Variants in RPAP1 observed in about 807,000 individuals in gnomAD.
RPAP1 encodes the protein RNA polymerase II associated protein 1.
A neutral mutation model predicts 142.4 loss-of-function variants in RPAP1; 109 were observed. The ratio of observed to expected loss-of-function variants is 0.77; its 90% CI spans 0.66 to 0.90. RPAP1 has a LOEUF of 0.90. Ranked by LOEUF, RPAP1 falls within the 40% of genes least tolerant of loss-of-function variation. The probability of loss-of-function intolerance (pLI) is 0.00; values close to 1 mark genes in which losing one functional copy is unlikely to be tolerated. For missense variants in RPAP1, 1,546 were observed against 1,751.7 expected, an observed-to-expected ratio of 0.88 and a Z score of 2.10; for synonymous variants, 704 against 738.9, an observed-to-expected ratio of 0.95 and a Z score of 0.77.
chr15:41,528,486 A>G lies in RPAP1; in HGVS notation c.1159-150T>C, dbSNP rs555920093. On this transcript the variant is annotated intron_variant, in intron 9 of 24. Transcript: ENST00000304330. Reference sequence around the variant, plus strand: ...TCAAGCCGGTAAAGATAAGACTTGCATACAAGTAACCATGCCATGAGGCAG... The same window carrying G: ...TCAAGCCGGTAAAGATAAGACTTGCGTACAAGTAACCATGCCATGAGGCAG... 3 of 630,304 alleles carry G rather than the reference A, an allele frequency of 4.8e-6. No homozygotes were observed. In the South Asian group the frequency reaches 5.5e-5, roughly 12 times the overall value. 39.0% of individuals were successfully genotyped at this position (630,304 alleles called of 1,614,324 possible). A position where few individuals can be genotyped will look rare whatever the true frequency, so the allele number is the denominator to read the frequency against.
rs1371123983 is a variant in RPAP1 at position 41,527,972 on chromosome 15, A to G, written c.1316T>C (p.Leu439Ser). 6.2e-7 allele frequency: 1 copy of G among 1,613,996 alleles called. No individual in the cohort carries two copies. Among genetic ancestry groups the G allele is most frequent in the African/African-American group, 1.3e-5 (1 of 74,928 alleles). ...RLAGSVLSLL[L>S]DAGFLFLLRF... ...CAGTAGGAAGAGGAAACCAGCATCC[A>G]AAAGGAGGCTTAAGACACTGCCTGC... Residue 439 changes from leucine to serine, a missense_variant, in exon 11 of 25, where the codon TTG becomes TCG. Physicochemically the swap from Leu to Ser is moderately radical, Grantham distance 145. Transcript: ENST00000304330.
intron 1 of RPAP1, among the ~76,000 whole-genome samples, chr15:41,538,729 A>G (rs1041454388): frequency 2.0e-5 from 3 of 152,218 alleles, no homozygotes; most frequent in Admixed American, 6.5e-5. Flanking sequence ...AAAGGTTAAG[A>G]CTTTACGTAA....
chr15:41,522,746 T>C lies in RPAP1; in HGVS notation c.2742+19A>G. Reference sequence around the variant, plus strand: ...TCTTGGCCCCTTGCCTGGCCCCTAATCAGGCACCCCACACTTACCTGGCCA... The same window carrying C: ...TCTTGGCCCCTTGCCTGGCCCCTAACCAGGCACCCCACACTTACCTGGCCA... On this transcript the variant is annotated intron_variant, in intron 19 of 24. Transcript: ENST00000304330. The C allele has an allele frequency of 7.7e-7, 1 of 1,290,570 alleles. No individual in the cohort carries two copies. Among genetic ancestry groups the C allele is most frequent in the Non-Finnish European group, 1.0e-6 (1 of 997,362 alleles). The allele number at this position is 1,290,570 out of a possible 1,614,324, so 79.9% of individuals were successfully genotyped here.
chr15:41,542,066 A>T (rs1470810639), intron 1 of RPAP1, among the ~76,000 whole-genome samples: 1 of 152,204 alleles, frequency 6.6e-6, no homozygotes, highest in Non-Finnish European at 1.5e-5. Flanking sequence ...TGAGCGGTGT[A>T]CAAGGGGCTG....
At chr15:41,522,353 CAGA>C (rs763991571) in intron 19 of RPAP1, 103 bp from the exon 20 acceptor site, 399 of 1,130,058 alleles carry the variant, frequency 3.5e-4, no homozygotes, top group Non-Finnish European at 4.7e-4. Context: ...TGAGTGCCAG[CAGA>C]AGGCCTCCCT....
At chr15:41,518,853 A>G (rs752958424) in intron 22 of RPAP1, among the ~76,000 whole-genome samples, 3 of 152,120 alleles carry the variant, frequency 2.0e-5, no homozygotes, top group African/African-American at 2.4e-5. Flanking sequence ...CTCAAAAACA[A>G]AAACAAAAAC....
At chr15:41,520,311 C>T (rs1404392886) in intron 22 of RPAP1, 80 bp downstream of exon 22, 20 of 1,513,198 alleles carry the variant, frequency 1.3e-5, no homozygotes, top group South Asian at 1.3e-4. Context: ...TGAGGTCTTC[C>T]AAAGCTCCTC....
At chr15:41,524,709 C>T (rs1400171152) in intron 15 of RPAP1, among the ~76,000 whole-genome samples, 2 of 152,056 alleles carry the variant, frequency 1.3e-5, no homozygotes, top group Admixed American at 6.6e-5. Flanking sequence ...CTCCTGACTT[C>T]GTGATACGCC....
chr15:41,543,717 T>TG (rs2140797617), intron 1 of RPAP1, among the ~76,000 whole-genome samples: 2 of 152,328 alleles, frequency 1.3e-5, no homozygotes, highest in East Asian at 3.9e-4. Context: ...CAGCGCAGAT[T>TG]TGTCCAGAAC....
intron 6 of RPAP1, among the ~76,000 whole-genome samples, chr15:41,534,431 A>G (rs1773561879): frequency 1.3e-5 from 2 of 151,362 alleles, no homozygotes; most frequent in South Asian, 4.2e-4. Flanking sequence ...CAAAAAAAAA[A>G]AAAAATTAGC....
In RPAP1 at chr15:41,518,200, A is replaced by G. The variant is rs2051687212; in HGVS notation, c.3796-18T>C. The G allele has an allele frequency of 6.4e-7, 1 of 1,551,258 alleles. No homozygotes were observed. The highest frequency in any genetic ancestry group is 2.3e-5 in the East Asian group (1 of 44,384). ...ACAGGCAACTGTGACAGGGGAAATG[A>G]CGTGCTGAGGGGGAGGGTAGGAATG... On this transcript the variant is annotated intron_variant, in intron 22 of 24. Coordinates refer to ENST00000304330, the MANE Select transcript of RPAP1 (RefSeq NM_015540.4).
Position 41,523,280 on chromosome 15 carries a change from A to G in RPAP1, c.2511T>C (p.Ser837=). The change falls in exon 18 of 25, where the codon AGT becomes AGC. Residue 837 remains serine, a synonymous_variant. Coordinates refer to ENST00000304330, the MANE Select transcript of RPAP1 (RefSeq NM_015540.4). ...LSEELLLPLL[S]QPTLGSLWDS... is the part of the protein sequence containing the mutation. ...CCCACAGGCTGCCCAGTGTGGGCTG[A>G]CTCAGCAGTGGCAGCAGCAGCTCCT... 1 of 1,611,992 alleles carries G rather than the reference A, an allele frequency of 6.2e-7. No homozygotes were observed. Among genetic ancestry groups the G allele is most frequent in the Non-Finnish European group, 8.5e-7 (1 of 1,178,946 alleles).
In RPAP1 at chr15:41,528,334, T is replaced by C. The variant is rs1393210725; in HGVS notation, c.1161A>G (p.Arg387=). 1 of 1,584,138 alleles carries C rather than the reference T, an allele frequency of 6.3e-7. No homozygotes were observed. Among genetic ancestry groups the C allele is most frequent in the Non-Finnish European group, 8.6e-7 (1 of 1,163,786 alleles). ...GLHHHGEEAE[R]AGYSLQELFH... ...ACAGCTCCTGTAGGGAATACCCCGC[T>C]CTCTGGGGCAGGGACAAGAAGTCAG... The change falls in exon 10 of 25, where the codon AGA becomes AGG. Residue 387 remains arginine, a splice_region_variant and synonymous_variant. Transcript: ENST00000304330.
In RPAP1 at chr15:41,529,503, G is replaced by C. The variant is rs1249502256; in HGVS notation, c.1125C>G (p.His375Gln). ...CCTCTCCATGGTGGTGCAGACCCAG[G>C]TGGGTGGGCAGGTCCACGTCAGGGG... ...LLAPDVDLPT[H>Q]LGLHHHGEEA... The change falls in exon 9 of 25, where the codon CAC becomes CAG. Residue 375 changes from histidine (H) to glutamine (Q), a missense_variant. Transcript: ENST00000304330. 6.2e-7 allele frequency: 1 copy of C among 1,613,616 alleles called. No individual in the cohort carries two copies. The highest frequency in any genetic ancestry group is 1.1e-5 in the South Asian group (1 of 90,888).
intron 1 of RPAP1, among the ~76,000 whole-genome samples, chr15:41,541,764 G>A (rs905150752): frequency 1.3e-5 from 2 of 151,902 alleles, no homozygotes; most frequent in African/African-American, 2.4e-5. Context: ...GGAGAATGGC[G>A]TGAACCCGGG....
At chr15:41,543,951 G>A (rs1470337897) in intron 1 of RPAP1, 1 of 152,262 alleles carries the variant, frequency 6.6e-6, no homozygotes, top group African/African-American at 2.4e-5. Context: ...CCAATCCCGA[G>A]TCGGGACGCG....
chr15:41,525,572 C>T (rs759056836), intron 14 of RPAP1, among the ~76,000 whole-genome samples: 1 of 152,084 alleles, frequency 6.6e-6, no homozygotes, highest in Non-Finnish European at 1.5e-5. Context: ...CTGCTGACCT[C>T]GTGATTCACC....
At chr15:41,517,895 G>C in intron 23 of RPAP1, 38 bp from the exon 24 acceptor site, 2 of 1,613,904 alleles carry the variant, frequency 1.2e-6, no homozygotes, top group South Asian at 2.2e-5. Context: ...CTGAGCCGAG[G>C]GCTGGTACCC....
At chr15:41,525,534 T>C (rs1260065882) in intron 14 of RPAP1, among the ~76,000 whole-genome samples, 1 of 152,076 alleles carries the variant, frequency 6.6e-6, no homozygotes, top group Non-Finnish European at 1.5e-5. Context: ...AGACGGGGTT[T>C]CATTATGTTG....
Sources: allele counts gnomAD v4.1 joint callset (sites outside exome capture counted in the v4.1 genomes callset), GRCh38; gene constraint gnomAD v4.1.1; transcripts MANE v1.5; gene names NCBI Gene and HGNC (gene_info 2026-07-23, HGNC 2026-07-21).